The following COA7 variants were observed in gnomAD, a reference collection of about 807,000 sequenced individuals.
The protein encoded by COA7 is Sel1 repeat containing 1.
Under a neutral mutation model 21.0 loss-of-function variants are expected in COA7, and 12 were observed. The observed-to-expected ratio is 0.57, with a 90% CI of 0.37 to 0.92. COA7 has a LOEUF of 0.92. Among genes scored for constraint, COA7 ranks in the 40% least tolerant of loss-of-function variants. The pLI is 0.01. For synonymous variants in COA7, 95 were observed against 107.4 expected, an observed-to-expected ratio of 0.88 and a Z score of 0.72; for missense variants, 240 against 286.1, an observed-to-expected ratio of 0.84 and a Z score of 1.16.
chr1:52,689,030 CT>C (rs1421869167), intron 2 of COA7, among the ~76,000 whole-genome samples: 1 of 152,140 alleles, frequency 6.6e-6, no homozygotes, highest in Non-Finnish European at 1.5e-5. Flanking sequence ...CAATTATTTA[CT>C]CAGTATTTAC....
At chr1:52,695,952 C>T (rs1644081382) in intron 1 of COA7, among the ~76,000 whole-genome samples, 1 of 152,182 alleles carries the variant, frequency 6.6e-6, no homozygotes, top group African/African-American at 2.4e-5. Flanking sequence ...CAAGCCCTGA[C>T]ATACTGTGGG....
intron 2 of COA7, among the ~76,000 whole-genome samples, chr1:52,691,059 T>C (rs1644041866): frequency 6.6e-6 from 1 of 151,672 alleles, no homozygotes; most frequent in Middle Eastern, 3.4e-3. Flanking sequence ...GCCGAGATCA[T>C]GCCACTGCAC....
chr1:52,698,266 C>T lies in COA7; in HGVS notation c.61G>A (p.Glu21Lys). Residue 21 changes from glutamate to lysine, a missense_variant, in exon 1 of 3, where the codon GAG becomes AAG. Glu to Lys is a moderately conservative substitution (Grantham distance 56). Coordinates refer to ENST00000371538, the MANE Select transcript of COA7 (RefSeq NM_023077.3). ...TAGCAGTGGTAGTTGCACTCCACCT[C>T]CATGTTCTCCAAAAAGGACTTGACC... is the stretch of plus-strand genomic sequence containing the variant. ...EQVKSFLENMEVECNYHCYHE... is the reference protein window; with the variant it reads ...EQVKSFLENMKVECNYHCYHE... 1.2e-6 allele frequency: 2 copies of T among 1,613,044 alleles called. No homozygotes were observed. Among genetic ancestry groups the T allele is most frequent in the Non-Finnish European group, 8.5e-7 (1 of 1,179,868 alleles).
At chr1:52,695,728 A>G (rs932660285) in intron 1 of COA7, among the ~76,000 whole-genome samples, 1 of 152,222 alleles carries the variant, frequency 6.6e-6, no homozygotes, top group Non-Finnish European at 1.5e-5. Context: ...ACAGGTTAGA[A>G]GGCGACTTCA....
In COA7 at chr1:52,685,089, T is replaced by C. The variant is rs1363544120; in HGVS notation, c.*2631A>G. The C allele has an allele frequency of 6.6e-6, 1 of 152,246 alleles. No homozygotes were observed. Among genetic ancestry groups the C allele is most frequent in the Non-Finnish European group, 1.5e-5 (1 of 68,046 alleles). 9.4% of individuals were successfully genotyped at this position (152,246 alleles called of 1,614,324 possible). ...AAAGCTGCTATAAACATCCATGTGC[T>C]GGTTTTTGTGTGGACATGTTTTCAG... On this transcript the variant is annotated 3_prime_UTR_variant, in exon 3 of 3. Coordinates refer to ENST00000371538, the MANE Select transcript of COA7 (RefSeq NM_023077.3).
chr1:52,696,565 T>G (rs1644085003), intron 1 of COA7, among the ~76,000 whole-genome samples: 1 of 152,200 alleles, frequency 6.6e-6, no homozygotes, highest in South Asian at 2.1e-4. Flanking sequence ...TGGTCTATGT[T>G]ACGGATTAGC....
At chr1:52,691,051 C>T (rs552555150) in intron 2 of COA7, among the ~76,000 whole-genome samples, 18 of 151,588 alleles carry the variant, frequency 1.2e-4, no homozygotes, top group African/African-American at 3.9e-4. Context: ...TGTGGTGAGC[C>T]GAGATCATGC....
In COA7 at chr1:52,695,663, T is replaced by C. The variant is rs1644079118; in HGVS notation, c.106+2558A>G. On this transcript the variant is annotated intron_variant, in intron 1 of 2. Coordinates refer to ENST00000371538, the MANE Select transcript of COA7 (RefSeq NM_023077.3). Reference sequence around the variant, plus strand: ...ACATAACAAAATTGAAATTAAAATATCAGTTTATCTGCGAGTAGAAATGGA... The same window carrying C: ...ACATAACAAAATTGAAATTAAAATACCAGTTTATCTGCGAGTAGAAATGGA... Among the ~76,000 whole-genome samples the C allele has an allele frequency of 2.0e-5, 3 of 152,284 alleles. No individual in the cohort carries two copies. The East Asian group carries it at 5.8e-4, about 29-fold the overall frequency.
chr1:52,687,932 G>C lies in COA7; in HGVS notation c.484C>G (p.Pro162Ala). 6.2e-7 allele frequency: 1 copy of C among 1,614,162 alleles called. No homozygotes were observed. Among genetic ancestry groups the C allele is most frequent in the Non-Finnish European group, 8.5e-7 (1 of 1,180,030 alleles). ...AGGTCCATGTCCTTGGGAAAGCCTG[G>C]GGCACCCTGCAGGAACATGGCACTG... Reference protein sequence around the residue: ...NLSAMFLQGAPGFPKDMDLAC... With the variant: ...NLSAMFLQGAAGFPKDMDLAC... Residue 162 changes from proline (P) to alanine (A), a missense_variant, in exon 3 of 3, where the codon CCA becomes GCA. Coordinates refer to ENST00000371538, the MANE Select transcript of COA7 (RefSeq NM_023077.3).
intron 2 of COA7, among the ~76,000 whole-genome samples, chr1:52,691,817 C>T (rs879557510): frequency 3.3e-5 from 5 of 151,920 alleles, no homozygotes; most frequent in African/African-American, 7.3e-5. Context: ...AATATTCCTT[C>T]CTCTTCAAGA....
At chr1:52,690,186 C>G (rs916366114) in intron 2 of COA7, among the ~76,000 whole-genome samples, 1 of 151,896 alleles carries the variant, frequency 6.6e-6, no homozygotes, top group Non-Finnish European at 1.5e-5. Context: ...AAATCACTAA[C>G]AAATAATTTT....
In COA7 at chr1:52,687,775, G is replaced by C. The variant is rs760246556; in HGVS notation, c.641C>G (p.Ala214Gly). The C allele has an allele frequency of 6.2e-7, 1 of 1,614,230 alleles. No homozygotes were observed. The stretch of plus-strand genomic sequence containing the variant: ...CTGCTGTTCTTTGTGTAGCTGCTGG[G>C]CTCGATTTTTTAGCACCTCGGCCTT... ...EAKAEVLKNR[A>G]QQLHKEQQKG... Residue 214 changes from alanine to glycine, a missense_variant, in exon 3 of 3, where the codon GCC (alanine) becomes GGC (glycine). By Grantham distance (60) the Ala-to-Gly change is moderately conservative. Transcript: ENST00000371538.
At chr1:52,691,032 C>G (rs1465182481) in intron 2 of COA7, among the ~76,000 whole-genome samples, 2 of 151,850 alleles carry the variant, frequency 1.3e-5, no homozygotes, top group Non-Finnish European at 2.9e-5. Context: ...ATCACTTGAG[C>G]CAGGGGGTTG....
intron 1 of COA7, among the ~76,000 whole-genome samples, chr1:52,697,238 G>C (rs1030730395): frequency 3.3e-5 from 5 of 152,118 alleles, no homozygotes; most frequent in African/African-American, 9.7e-5. Flanking sequence ...TCTCAAAAAA[G>C]AAAGAAAATA....
chr1:52,688,381 T>A lies in COA7; in HGVS notation c.248-213A>T, dbSNP rs796923427. Among the ~76,000 whole-genome samples the A allele has an allele frequency of 3.8e-4, 58 of 152,204 alleles. 1 individual carries two copies. Among genetic ancestry groups the A allele is most frequent in the African/African-American group, 1.4e-3 (57 of 41,518 alleles). ...CTCAGCCTCCCCAAGTAGCTGGGAC[T>A]ACAGGCACACACCAACCACTATGCC... On this transcript the variant is annotated intron_variant, in intron 2 of 2. Coordinates refer to ENST00000371538, the MANE Select transcript of COA7 (RefSeq NM_023077.3).
chr1:52,688,268 G>T, intron 2 of COA7, 100 bp from the exon 3 acceptor site: 1 of 938,302 alleles, frequency 1.1e-6, no homozygotes, highest in South Asian at 1.7e-5. Context: ...TTTGGAGAAA[G>T]GGTCTTGCTT....
rs752144583 is a variant in COA7 at position 52,687,326 on chromosome 1, C to T, written c.*394G>A. ...GATGACAGCTGATTCCTTTAGGCCC[C>T]GGGGCTGCTAATTTTTCAAACTTCC... On this transcript the variant is annotated 3_prime_UTR_variant, in exon 3 of 3. Coordinates refer to ENST00000371538, the MANE Select transcript of COA7 (RefSeq NM_023077.3). The T allele has an allele frequency of 7.2e-5, 14 of 193,314 alleles. No individual in the cohort carries two copies. Among genetic ancestry groups the T allele is most frequent in the Non-Finnish European group, 1.1e-4 (10 of 92,992 alleles). 12.0% of individuals were successfully genotyped at this position (193,314 alleles called of 1,614,324 possible). A position where few individuals can be genotyped will look rare whatever the true frequency, so the allele number is the denominator to read the frequency against.
Position 52,687,672 on chromosome 1 carries a change from G to A in COA7, c.*48C>T. On this transcript the variant is annotated 3_prime_UTR_variant, in exon 3 of 3. Coordinates refer to ENST00000371538, the MANE Select transcript of COA7 (RefSeq NM_023077.3). ...GCTGCATCAGTCTTCAGAAACAGGA[G>A]CTGCCAGCCTCAAGCAGTTTGTTGC... The A allele has an allele frequency of 6.4e-7, 1 of 1,564,124 alleles. No homozygotes were observed.
At chr1:52,691,488 G>C (rs905566562) in intron 2 of COA7, among the ~76,000 whole-genome samples, 2,614 of 47,764 alleles carry the variant, frequency 0.055, 80 homozygotes, top group African/African-American at 0.17. Context: ...TTTTTTTTTT[G>C]TGAGACAGAG....
Sources: gnomAD v4.1 joint callset for allele counts (sites outside exome capture counted in the v4.1 genomes callset) on GRCh38, gnomAD v4.1.1 for gene constraint, MANE v1.5 for transcripts, NCBI Gene and HGNC (gene_info 2026-07-23, HGNC 2026-07-21) for gene names.